Variants in SQSTM1 observed in about 807,000 individuals in gnomAD.
SQSTM1 encodes sequestosome-1.
A neutral mutation model predicts 45.1 loss-of-function variants in SQSTM1; 36 were observed. The observed-to-expected ratio is 0.80, with a 90% CI of 0.61 to 1.05. SQSTM1 has a LOEUF of 1.05. Ranked by LOEUF, SQSTM1 falls within the 50% of genes least tolerant of loss-of-function variation. SQSTM1 has a pLI of 0.00. For synonymous variants in SQSTM1, 290 were observed against 244.3 expected, an observed-to-expected ratio of 1.19 and a Z score of -1.74; for missense variants, 617 against 607.1, an observed-to-expected ratio of 1.02 and a Z score of -0.17.
At chr5:179,813,836 C>T (rs1757505472) in intron 2 of SQSTM1, among the ~76,000 whole-genome samples, 1 of 152,186 alleles carries the variant, frequency 6.6e-6, no homozygotes. Flanking sequence ...AAGCCCCCTC[C>T]CTGGGAGCAC....
At position 179,821,396 on chromosome 5, in the gene SQSTM1, CG is replaced by C. The variant is rs1757773580; in HGVS notation, c.205+260del. 2.0e-5 allele frequency among the ~76,000 whole-genome samples: 3 copies of C among 152,024 alleles called. No individual in the cohort carries two copies. In the South Asian group the frequency reaches 6.2e-4, roughly 32 times the overall value. ...CCTGGGGCGGTGGAGCCCTGCCGGC[CG>C]GGGGCTCGAGCCTGGGGGCGTCAGA... On this transcript the variant is annotated intron_variant, in intron 1 of 7. Coordinates refer to ENST00000389805, the MANE Select transcript of SQSTM1 (RefSeq NM_003900.5).
intron 7 of SQSTM1, 170 bp from the exon 8 acceptor site, chr5:179,836,266 G>A (rs1276266481): frequency 8.4e-6 from 7 of 832,318 alleles, no homozygotes; most frequent in Non-Finnish European, 1.4e-5. Flanking sequence ...AAGACTGCTT[G>A]GCCCTTTACA....
At chr5:179,835,843 C>T (rs543605583) in intron 7 of SQSTM1, 200 of 168,152 alleles carry the variant, frequency 1.2e-3, no homozygotes, top group African/African-American at 4.3e-3. Context: ...GGTATTATTT[C>T]GTTCCTTTTT....
chr5:179,821,276 G>A (rs1226314581), intron 1 of SQSTM1, 135 bp downstream of exon 1: 2 of 926,854 alleles, frequency 2.2e-6, no homozygotes, highest in Non-Finnish European at 3.0e-6. Flanking sequence ...TCCCTGGATG[G>A]CGGTGGCCTG....
rs1024306431 is a variant in SQSTM1, at chr5:179,830,801, C to T, written c.755-2231C>T. On this transcript the variant is annotated intron_variant, in intron 5 of 7. Coordinates refer to ENST00000389805, the MANE Select transcript of SQSTM1 (RefSeq NM_003900.5). Reference sequence around the variant, plus strand: ...TTGAACTCCTGACCTCATGATCTACCTGCCTTCGTCTCCCAAAGTGCTGGG... The same window carrying T: ...TTGAACTCCTGACCTCATGATCTACTTGCCTTCGTCTCCCAAAGTGCTGGG... 2.0e-5 allele frequency among the ~76,000 whole-genome samples: 3 copies of T among 152,248 alleles called. No homozygotes were observed. In the East Asian group the frequency reaches 5.8e-4, roughly 29 times the overall value.
chr5:179,806,468 G>A lies in SQSTM1; in HGVS notation c.-280G>A. The A allele has an allele frequency of 1.6e-6, 2 of 1,260,418 alleles. No homozygotes were observed. The highest frequency in any genetic ancestry group is 2.8e-5 in the Admixed American group (1 of 35,400). The allele number at this position is 1,260,418 out of a possible 1,614,324, so 78.1% of individuals were successfully genotyped here. A position where few individuals can be genotyped will look rare whatever the true frequency, so the allele number is the denominator to read the frequency against. On this transcript the variant is annotated 5_prime_UTR_variant, in exon 1 of 6. Transcript: ENST00000514093. The surrounding 1 kb of genome is among the most constrained non-coding windows in gnomAD (Gnocchi z 4.6). ...CGCCCAGGTGCGCCAGGTGCGGGCC[G>A]GGCGGGGGTCGCGCTCACCTTTCTG... is the stretch of plus-strand genomic sequence containing the variant.
At chr5:179,818,210 G>A (rs900280913), upstream of SQSTM1, among the ~76,000 whole-genome samples, 1 of 152,000 alleles carries the variant, frequency 6.6e-6, no homozygotes. Flanking sequence ...GCATGATTAG[G>A]AAGATGGCAA....
At chr5:179,812,282 T>A (rs1464127532) in intron 2 of SQSTM1, 2 of 149,332 alleles carry the variant, frequency 1.3e-5, no homozygotes, top group Non-Finnish European at 2.9e-5. Context: ...TCGGGCTCCT[T>A]CCAGGGCAGC....
chr5:179,822,584 C>T, intron 1 of SQSTM1: 1 of 347,526 alleles, frequency 2.9e-6, no homozygotes, highest in Non-Finnish European at 5.7e-6. Flanking sequence ...AGGAGCAGGT[C>T]ACAGGCAGGG....
At chr5:179,832,957 C>A in intron 5 of SQSTM1, 75 bp from the exon 6 acceptor site, 2 of 1,487,852 alleles carry the variant, frequency 1.3e-6, no homozygotes, top group Non-Finnish European at 1.9e-6. Flanking sequence ...CTGTAGTCTC[C>A]ACAGGCCAAG....
At chr5:179,821,773 C>T (rs980870701) in intron 1 of SQSTM1, 2 of 321,716 alleles carry the variant, frequency 6.2e-6, no homozygotes, top group South Asian at 4.4e-5. Flanking sequence ...TTGGTGTTGG[C>T]ACAGAAGCCC....
At position 179,836,573 on chromosome 5, in the gene SQSTM1, A is replaced by C. The variant is rs2113524598; in HGVS notation, c.1303A>C (p.Lys435Gln). Residue 435 changes from lysine to glutamine, a missense_variant, in exon 8 of 8, where the codon AAG (lysine) becomes CAG (glutamine). Lys to Gln is a moderately conservative substitution (Grantham distance 53). Transcript: ENST00000389805. ...GGCTCTGGACACCATCCAGTATTCA[A>C]AGCATCCCCCGCCGTTGTGACCACT... ...GAALDTIQYS[K>Q]HPPPL The C allele has an allele frequency of 3.1e-6, 5 of 1,614,032 alleles. No individual in the cohort carries two copies. Among genetic ancestry groups the C allele is most frequent in the Non-Finnish European group, 4.2e-6 (5 of 1,179,984 alleles).
At chr5:179,823,282 A>G (rs935398934) in intron 2 of SQSTM1, among the ~76,000 whole-genome samples, 5 of 151,824 alleles carry the variant, frequency 3.3e-5, no homozygotes, top group Admixed American at 2.0e-4. Flanking sequence ...CCTGGCCAAC[A>G]TGGTGAAACC....
upstream of SQSTM1, among the ~76,000 whole-genome samples, chr5:179,817,591 A>C (rs768727337): frequency 1.3e-5 from 2 of 152,098 alleles, no homozygotes; most frequent in Non-Finnish European, 2.9e-5. Context: ...TTCTCTAACC[A>C]TGTCTGTCCA....
In SQSTM1 at chr5:179,836,629, T is replaced by C. The variant is rs1431057756; in HGVS notation, c.*36T>C. 42 of 1,613,992 alleles carry C rather than the reference T, an allele frequency of 2.6e-5. No individual in the cohort carries two copies. The highest frequency in any genetic ancestry group is 3.4e-5 in the Non-Finnish European group (40 of 1,179,918). ...CCACCTCTTCTGCGTGCCCCTCTTC[T>C]GTCTCATAGTTGTGTTAAGCTTGCG... On this transcript the variant is annotated 3_prime_UTR_variant, in exon 8 of 8. Transcript: ENST00000389805.
chr5:179,830,127 CAA>C (rs869094089), intron 5 of SQSTM1, among the ~76,000 whole-genome samples: 1 of 89,908 alleles, frequency 1.1e-5, no homozygotes, highest in Non-Finnish European at 2.0e-5. Context: ...CAAAACAAAA[CAA>C]AACAAAAAAC....
rs1038980612 is a variant in SQSTM1, at chr5:179,837,039, C to T, written c.*446C>T. 1.4e-5 allele frequency: 9 copies of T among 646,368 alleles called. No individual in the cohort carries two copies. Among genetic ancestry groups the T allele is most frequent in the South Asian group, 1.3e-4 (7 of 55,268 alleles). 40.0% of individuals were successfully genotyped at this position (646,368 alleles called of 1,614,324 possible). ...AGCCTAGGTGTTGTCAGCAGGCAGG[C>T]TGGGGAGGCCAGTGTTGTGGGCTTC... is the stretch of plus-strand genomic sequence containing the variant. On this transcript the variant is annotated 3_prime_UTR_variant, in exon 8 of 8. Coordinates refer to ENST00000389805, the MANE Select transcript of SQSTM1 (RefSeq NM_003900.5).
chr5:179,823,642 CTCT>C (rs1454169544), intron 2 of SQSTM1: 8 of 594,844 alleles, frequency 1.3e-5, no homozygotes, highest in Non-Finnish European at 2.4e-5. Flanking sequence ...CTTGCTGCTG[CTCT>C]GCTGCCTGGG....
intron 5 of SQSTM1, among the ~76,000 whole-genome samples, chr5:179,830,392 C>T (rs893313864): frequency 4.6e-5 from 7 of 152,104 alleles, no homozygotes; most frequent in South Asian, 4.2e-4. Flanking sequence ...AAAGGCTTTT[C>T]GGCCTAGAAT....
Sources: allele counts gnomAD v4.1 joint callset (sites outside exome capture counted in the v4.1 genomes callset), GRCh38; gene constraint gnomAD v4.1.1; non-coding constraint Gnocchi (gnomAD v3.1); transcripts MANE v1.5; gene names NCBI Gene and HGNC (gene_info 2026-07-23, HGNC 2026-07-21).